INO80: variants seen among roughly 807,000 people sequenced by gnomAD.
INO80 encodes the protein INO80 complex ATPase subunit, also known as chromatin-remodeling ATPase INO80.
A neutral mutation model predicts 203.4 loss-of-function variants in INO80; 20 were observed. The ratio of observed to expected loss-of-function variants is 0.10; its 90% CI spans 0.07 to 0.14. INO80 has a LOEUF of 0.14. INO80 is among the 10% of genes least tolerant of loss of function. The probability of loss-of-function intolerance (pLI) is 1.00; values close to 1 mark genes in which losing one functional copy is unlikely to be tolerated. For synonymous variants in INO80, 726 were observed against 685.2 expected (o/e 1.06, Z -0.93); for missense variants, 1,419 against 1,914.4 (o/e 0.74, Z 4.83).
At chr15:41,106,221 G>A (rs1307449210) in intron 1 of INO80, among the ~76,000 whole-genome samples, 1 of 151,792 alleles carries the variant, frequency 6.6e-6, no homozygotes, top group East Asian at 1.9e-4. Context: ...CTGTCTGCAT[G>A]AAAAATACAA....
intron 1 of INO80, among the ~76,000 whole-genome samples, chr15:41,108,448 C>T (rs767869775): frequency 4.6e-5 from 7 of 151,866 alleles, no homozygotes; most frequent in Admixed American, 1.3e-4. Context: ...AAAAATTAGC[C>T]GGGCGTGGTG....
At chr15:40,990,953 G>A (rs1185644987) in intron 29 of INO80, among the ~76,000 whole-genome samples, 1 of 152,190 alleles carries the variant, frequency 6.6e-6, no homozygotes, top group African/African-American at 2.4e-5. Context: ...CCAAAAGACA[G>A]TATCTTGAGC....
intron 4 of INO80, 69 bp downstream of exon 4, chr15:41,095,529 TTGA>T (rs1257032440): frequency 8.5e-6 from 9 of 1,057,450 alleles, no homozygotes; most frequent in Non-Finnish European, 4.3e-6. Context: ...CCAAAATGAG[TTGA>T]TAACTTTCCC....
intron 5 of INO80, among the ~76,000 whole-genome samples, chr15:41,089,165 G>A (rs188958038): frequency 1.3e-5 from 2 of 152,126 alleles, no homozygotes; most frequent in Admixed American, 1.3e-4. Context: ...ATTTCAGTCT[G>A]GGTAACAGAG....
Position 41,049,368 on chromosome 15 carries a change from T to C in INO80, c.2495A>G (p.His832Arg), listed in dbSNP as rs756142095. Residue 832 changes from histidine to arginine, a missense_variant, in exon 21 of 36, where the codon CAT becomes CGT. Physicochemically the swap from His to Arg is conservative, Grantham distance 29. Around this residue, in one of 9 missense-constraint regions of INO80, gnomAD observed 302 missense variants for 345.4 expected, o/e 0.87. Transcript: ENST00000648947. The part of the protein sequence containing the change: ...FERQETWSPF[H>R]ISLKPYHISK... Reference sequence around the variant, plus strand: ...AATGTGGTATGGCTTTAGGGAAATATGAAATGGAGACCAAGTTTCTTGCCG... The same window carrying C: ...AATGTGGTATGGCTTTAGGGAAATACGAAATGGAGACCAAGTTTCTTGCCG... 5 of 1,613,738 alleles carry C rather than the reference T, an allele frequency of 3.1e-6. No individual in the cohort carries two copies. The African/African-American group carries it at 5.3e-5, about 17-fold the overall frequency.
chr15:41,070,682 T>C (rs889844580), intron 12 of INO80, 135 bp from the exon 13 acceptor site: 3 of 693,778 alleles, frequency 4.3e-6, no homozygotes, highest in Non-Finnish European at 7.6e-6. Flanking sequence ...TCAGCACTTT[T>C]ACCCACTGCT....
chr15:40,985,189 G>A (rs924822480), intron 32 of INO80, 149 bp downstream of exon 32: 7 of 633,262 alleles, frequency 1.1e-5, no homozygotes, highest in South Asian at 3.8e-5. Context: ...TGAGCAAAGC[G>A]TGAGTCAGCC....
intron 1 of INO80, among the ~76,000 whole-genome samples, chr15:41,097,994 G>T (rs1362502017): frequency 2.0e-5 from 3 of 152,038 alleles, no homozygotes; most frequent in Non-Finnish European, 4.4e-5. Flanking sequence ...GAAATGATAA[G>T]TTTTTTTGTT....
intron 4 of INO80, 91 bp downstream of exon 4, chr15:41,095,508 CTG>C (rs1328853706): frequency 1.2e-6 from 1 of 868,750 alleles, no homozygotes; most frequent in Admixed American, 2.2e-5. Context: ...TTGAAAAACT[CTG>C]TCAATCTGCC....
intron 27 of INO80, among the ~76,000 whole-genome samples, chr15:41,008,556 AAGAG>A (rs1452560420): frequency 6.6e-6 from 1 of 152,218 alleles, no homozygotes. Flanking sequence ...GAACTCTTCT[AAGAG>A]AGACAATATC....
intron 14 of INO80, among the ~76,000 whole-genome samples, chr15:41,064,690 A>T (rs1318398993): frequency 6.6e-6 from 1 of 152,194 alleles, no homozygotes; most frequent in Non-Finnish European, 1.5e-5. Flanking sequence ...GCTCCATCTC[A>T]AGACATCAGA....
At chr15:41,110,962 C>A (rs188502552) in intron 1 of INO80, among the ~76,000 whole-genome samples, 33 of 152,206 alleles carry the variant, frequency 2.2e-4, no homozygotes, top group Non-Finnish European at 3.2e-4. Context: ...GCATAATTCA[C>A]CTGTGTTTTG....
rs2044789578 is a variant in INO80 at position 41,047,501 on chromosome 15, C to T, written c.2642G>A (p.Gly881Asp). ...AGAGAAACAGCTTTCTTCATTAATA[C>T]CTGAAATATAAAAGACAATTTGAAA... ...YIQRSLFHRK[G>D]INEESCFSFL... The change falls in exon 23 of 36, where the codon GGT becomes GAT. Residue 881 changes from glycine (G) to aspartate (D), a missense_variant and splice_region_variant. Physicochemically the swap from Gly to Asp is moderately conservative, Grantham distance 94 (BLOSUM62 -1). Transcript: ENST00000648947. 2.5e-6 allele frequency: 4 copies of T among 1,594,382 alleles called. No individual in the cohort carries two copies. Among genetic ancestry groups the T allele is most frequent in the Non-Finnish European group, 3.4e-6 (4 of 1,165,202 alleles).
At chr15:40,983,714 T>C in intron 34 of INO80, 48 bp downstream of exon 34, 2 of 1,565,124 alleles carry the variant, frequency 1.3e-6, no homozygotes, top group South Asian at 2.2e-5. Flanking sequence ...ACCAAACCAG[T>C]GCTGGGCAGT....
intron 14 of INO80, among the ~76,000 whole-genome samples, chr15:41,068,073 C>G (rs2045251188): frequency 6.6e-6 from 1 of 152,190 alleles, no homozygotes; most frequent in Non-Finnish European, 1.5e-5. Flanking sequence ...TTCACATTAT[C>G]TACCTTAGAC....
intron 1 of INO80, among the ~76,000 whole-genome samples, chr15:41,106,204 C>T (rs1195144475): frequency 7.9e-5 from 12 of 151,858 alleles, no homozygotes; most frequent in Non-Finnish European, 1.3e-4. Flanking sequence ...GGCAACATAG[C>T]GAAATCCTGT....
At chr15:41,072,200 C>T (rs1423216487) in intron 11 of INO80, 142 bp from the exon 12 acceptor site, 17 of 562,982 alleles carry the variant, frequency 3.0e-5, no homozygotes, top group Admixed American at 7.1e-5. Flanking sequence ...GATAATATAA[C>T]GTAGTATCAT....
In INO80 at chr15:41,005,649, A is replaced by T; in HGVS notation, c.3441T>A (p.Leu1147=). Residue 1147 remains leucine (L), a synonymous_variant, in exon 28 of 36, where the codon CTT becomes CTA. Coordinates refer to ENST00000648947, the MANE Select transcript of INO80 (RefSeq NM_017553.3). Reference sequence around the variant, plus strand: ...TCTCCGAGATCTTGGATGAGCCATCAAGCCTCATGTAGGTATGCTTCCTGT... The same window carrying T: ...TCTCCGAGATCTTGGATGAGCCATCTAGCCTCATGTAGGTATGCTTCCTGT... ...MVYRKHTYMR[L]DGSSKISERR... is the part of the protein sequence containing the mutation. 1 of 1,609,898 alleles carries T rather than the reference A, an allele frequency of 6.2e-7. No individual in the cohort carries two copies. Among genetic ancestry groups the T allele is most frequent in the Non-Finnish European group, 8.5e-7 (1 of 1,176,486 alleles).
At chr15:41,101,314 C>T (rs955182133) in intron 1 of INO80, among the ~76,000 whole-genome samples, 2 of 152,180 alleles carry the variant, frequency 1.3e-5, no homozygotes, top group East Asian at 1.9e-4. Flanking sequence ...CAGCAAAACA[C>T]TTGATAATTC....
Sources: gnomAD v4.1 joint callset for allele counts (sites outside exome capture counted in the v4.1 genomes callset) on GRCh38, gnomAD v4.1.1 for gene constraint, gnomAD v4.1.1 regional missense constraint, MANE v1.5 for transcripts, NCBI Gene and HGNC (gene_info 2026-07-23, HGNC 2026-07-21) for gene names.